ERC2: variants seen among roughly 807,000 people sequenced by gnomAD.
ERC2 encodes the protein ELKS/RAB6-interacting/CAST family member 2.
In ERC2, 42 loss-of-function variants were observed where a neutral mutation model predicts 114.8. The ratio of observed to expected loss-of-function variants is 0.37; its 90% CI spans 0.29 to 0.47. The LOEUF is 0.47. Among genes scored for constraint, ERC2 ranks in the 20% least tolerant of loss-of-function variants. The pLI is 0.99. For synonymous variants in ERC2, 454 were observed against 425.5 expected (o/e 1.07, Z -0.82); for missense variants, 939 against 1,150.7 (o/e 0.82, Z 2.66).
chr3:55,606,527 G>A (rs1385488511), intron 17 of ERC2: 1 of 152,234 alleles, frequency 6.6e-6, no homozygotes, highest in Non-Finnish European at 1.5e-5. Context: ...ACAACACTGT[G>A]TGGCCACCAT....
At chr3:55,670,341 G>A (rs894088497) in intron 17 of ERC2, among the ~76,000 whole-genome samples, 2 of 152,208 alleles carry the variant, frequency 1.3e-5, no homozygotes, top group Admixed American at 1.3e-4. Flanking sequence ...CAGAGAAGTG[G>A]TCAATGGAGA....
intron 2 of ERC2, among the ~76,000 whole-genome samples, chr3:56,403,646 C>A (rs966428115): frequency 1.3e-5 from 2 of 152,178 alleles, no homozygotes; most frequent in Non-Finnish European, 2.9e-5. Flanking sequence ...TTAACGAGAT[C>A]CCCAGGTAAT....
intron 17 of ERC2, among the ~76,000 whole-genome samples, chr3:55,539,487 A>G (rs2107330238): frequency 8.4e-6 from 1 of 119,398 alleles, no homozygotes; most frequent in African/African-American, 3.3e-5. Context: ...CAGTGGTGCG[A>G]TCTCAGCTCA....
intron 17 of ERC2, among the ~76,000 whole-genome samples, chr3:55,564,764 C>T (rs1007906085): frequency 3.3e-5 from 5 of 152,234 alleles, no homozygotes; most frequent in Admixed American, 1.3e-4. Flanking sequence ...CATCCCCATT[C>T]GTGTGGCCAA....
At chr3:56,359,608 G>C (rs1441358851) in intron 2 of ERC2, among the ~76,000 whole-genome samples, 1 of 152,238 alleles carries the variant, frequency 6.6e-6, no homozygotes, top group Non-Finnish European at 1.5e-5. Flanking sequence ...TAGTCCATTT[G>C]TGTTGCTATA....
chr3:55,772,300 G>A (rs111574447), intron 14 of ERC2, among the ~76,000 whole-genome samples: 11 of 151,490 alleles, frequency 7.3e-5, no homozygotes, highest in Admixed American at 6.6e-4. Flanking sequence ...GCACCACCAC[G>A]CCTGGCTACT....
intron 14 of ERC2, among the ~76,000 whole-genome samples, chr3:55,807,723 T>C (rs9311586): frequency 0.065 from 9,870 of 152,270 alleles, 510 homozygotes; most frequent in African/African-American, 0.14. Flanking sequence ...GTCTAGAACT[T>C]CCTTATCAAC....
chr3:55,609,477 G>A (rs1011866737), intron 17 of ERC2, among the ~76,000 whole-genome samples: 13 of 152,136 alleles, frequency 8.5e-5, no homozygotes, highest in Admixed American at 3.3e-4. Context: ...AAGTTAAGCA[G>A]CCATCATGCT....
chr3:56,144,722 T>C (rs1430870278), intron 5 of ERC2, among the ~76,000 whole-genome samples: 1 of 152,244 alleles, frequency 6.6e-6, no homozygotes, highest in African/African-American at 2.4e-5. Flanking sequence ...TTTCAGTCTA[T>C]AAATATTAAA....
At chr3:55,880,342 T>C (rs891836140) in intron 14 of ERC2, among the ~76,000 whole-genome samples, 6 of 152,254 alleles carry the variant, frequency 3.9e-5, no homozygotes, top group African/African-American at 1.2e-4. Context: ...ATTTTCTTTA[T>C]AGTTAAGTTT....
intron 17 of ERC2, chr3:55,606,608 T>A (rs1008311236): frequency 3.3e-5 from 5 of 152,210 alleles, no homozygotes; most frequent in African/African-American, 1.2e-4. Flanking sequence ...GTGGGAATCA[T>A]GGAACAGTCT....
chr3:55,642,172 A>C (rs542408380), intron 17 of ERC2, among the ~76,000 whole-genome samples: 3 of 152,236 alleles, frequency 2.0e-5, no homozygotes, highest in South Asian at 4.1e-4. Context: ...TCCTCCTTAC[A>C]CTATCAGGCA....
chr3:56,280,660 C>T (rs2150319573), intron 3 of ERC2, among the ~76,000 whole-genome samples: 1 of 152,320 alleles, frequency 6.6e-6, no homozygotes, highest in Middle Eastern at 3.4e-3. Context: ...TTGCCACTCA[C>T]CACTTGGTAT....
chr3:56,382,167 C>T (rs1210392027), intron 2 of ERC2, among the ~76,000 whole-genome samples: 2 of 152,128 alleles, frequency 1.3e-5, no homozygotes, highest in African/African-American at 4.8e-5. Flanking sequence ...CTCTGCCATC[C>T]CTCCTGTAAC....
At chr3:56,280,469 G>A (rs146262865) in intron 3 of ERC2, among the ~76,000 whole-genome samples, 119 of 152,276 alleles carry the variant, frequency 7.8e-4, no homozygotes, top group African/African-American at 2.6e-3. Flanking sequence ...TGGGAGGTAC[G>A]TGGTGGTGAC....
intron 14 of ERC2, among the ~76,000 whole-genome samples, chr3:55,873,365 C>G (rs1057341339): frequency 6.6e-6 from 1 of 152,128 alleles, no homozygotes; most frequent in Non-Finnish European, 1.5e-5. Flanking sequence ...TGACCTGGGA[C>G]TAGTTACTTA....
intron 17 of ERC2, among the ~76,000 whole-genome samples, chr3:55,516,243 T>TAA (rs60032562): frequency 2.8e-5 from 4 of 142,308 alleles, no homozygotes; most frequent in South Asian, 2.2e-4. Context: ...TCGTTTCTGC[T>TAA]AAAAAAAAAA....
chr3:55,723,062 C>A (rs59858332), intron 15 of ERC2, among the ~76,000 whole-genome samples: 224 of 152,202 alleles, frequency 1.5e-3, no homozygotes, highest in African/African-American at 5.0e-3. Context: ...AAGCTAGAAA[C>A]AAATCAAAAT....
At chr3:56,382,090 C>T (rs762763249) in intron 2 of ERC2, among the ~76,000 whole-genome samples, 4 of 152,002 alleles carry the variant, frequency 2.6e-5, no homozygotes, top group African/African-American at 7.3e-5. Flanking sequence ...AAATGGAAAC[C>T]ACAGAAGAGA....
Sources: gnomAD v4.1 joint callset for allele counts (sites outside exome capture counted in the v4.1 genomes callset) on GRCh38, gnomAD v4.1.1 for gene constraint, MANE v1.5 for transcripts, NCBI Gene and HGNC (gene_info 2026-07-23, HGNC 2026-07-21) for gene names.